Variants in SLC5A4 observed in about 807,000 individuals in gnomAD.
SLC5A4 encodes the protein probable glucose sensor protein SLC5A4.
In SLC5A4, 55 loss-of-function variants were observed where a neutral mutation model predicts 70.3. That is an observed-to-expected ratio of 0.78 (90% CI 0.63 to 0.98). The LOEUF is 0.98. Ranked by LOEUF, SLC5A4 falls within the 50% of genes least tolerant of loss-of-function variation. The probability of loss-of-function intolerance (pLI) is 0.00; values close to 1 mark genes in which losing one functional copy is unlikely to be tolerated. For synonymous variants in SLC5A4, 268 were observed against 305.7 expected (o/e 0.88, Z 1.29); for missense variants, 735 against 839.2 (o/e 0.88, Z 1.53).
Position 32,224,423 on chromosome 22 carries a change from C to T in SLC5A4, c.1509G>A (p.Glu503=), listed in dbSNP as rs1925275752. The change falls in exon 13 of 15, where the codon GAG becomes GAA. Residue 503 remains glutamate (E), a synonymous_variant. Transcript: ENST00000266086. ...AGCAACTCCCTGTTCCATAAGCAAA[C>T]TCTGTTATCATACGAATGAGGCCCA... ...LAMGLIRMIT[E]FAYGTGSCLA... is the part of the protein sequence containing the mutation. The T allele has an allele frequency of 3.1e-6, 5 of 1,613,962 alleles. No individual in the cohort carries two copies. The highest frequency in any genetic ancestry group is 4.2e-6 in the Non-Finnish European group (5 of 1,179,970).
the SLC5A4 span, among the ~76,000 whole-genome samples, chr22:32,304,276 G>A: frequency 6.6e-6 from 1 of 152,046 alleles, no homozygotes; most frequent in African/African-American, 2.4e-5. Context: ...GCAGGCATGC[G>A]CCACCATGCA....
At chr22:32,239,158 G>T in intron 5 of SLC5A4, 68 bp from the exon 6 acceptor site, 2 of 1,111,566 alleles carry the variant, frequency 1.8e-6, no homozygotes, top group Non-Finnish European at 2.7e-6. Context: ...CTGCCCCAAT[G>T]TCCACTCTAC....
At chr22:32,329,751 T>A in the SLC5A4 span, among the ~76,000 whole-genome samples, 1 of 37,904 alleles carries the variant, frequency 2.6e-5, no homozygotes, top group Non-Finnish European at 4.8e-5. Flanking sequence ...GGGGCTCTGG[T>A]GTGTGTGTGT....
At chr22:32,329,809 AGGCTCTGGTGTGTGTGTTGGG>A in the SLC5A4 span, among the ~76,000 whole-genome samples, 2 of 8,346 alleles carry the variant, frequency 2.4e-4, no homozygotes, top group African/African-American at 1.2e-3. Context: ...TGTGTGTTGG[AGGCTCTGGTGTGTGTGTTGGG>A]GGCTCTGGTG....
At chr22:32,238,480 A>C (rs778090726) in intron 6 of SLC5A4, among the ~76,000 whole-genome samples, 1 of 152,192 alleles carries the variant, frequency 6.6e-6, no homozygotes, top group Non-Finnish European at 1.5e-5. Flanking sequence ...CATGAGAAGC[A>C]TATCAACATA....
the SLC5A4 span, among the ~76,000 whole-genome samples, chr22:32,352,683 G>GC: frequency 6.6e-6 from 1 of 152,114 alleles, no homozygotes; most frequent in South Asian, 2.1e-4. Flanking sequence ...TGCCTTCCCG[G>GC]CCCCCAAACT....
chr22:32,335,747 G>T, the SLC5A4 span, among the ~76,000 whole-genome samples: 1 of 152,196 alleles, frequency 6.6e-6, no homozygotes, highest in African/African-American at 2.4e-5. Context: ...CCAGCACACA[G>T]GGTGTGACAG....
chr22:32,283,771 AT>A, the SLC5A4 span, among the ~76,000 whole-genome samples: 26 of 152,158 alleles, frequency 1.7e-4, no homozygotes, highest in African/African-American at 2.6e-4. Context: ...GTGTAATTTA[AT>A]TTTTTTTATT....
chr22:32,235,594 T>C (rs1926011955), intron 7 of SLC5A4, among the ~76,000 whole-genome samples: 1 of 152,096 alleles, frequency 6.6e-6, no homozygotes, highest in African/African-American at 2.4e-5. Flanking sequence ...ATTTTGCCTG[T>C]TACAATAAAA....
At chr22:32,267,194 A>G in the SLC5A4 span, among the ~76,000 whole-genome samples, 7 of 152,226 alleles carry the variant, frequency 4.6e-5, no homozygotes, top group Admixed American at 4.6e-4. Context: ...TTTAGTGAGG[A>G]CGATCTCCTT....
chr22:32,226,666 T>C (rs181587684), intron 11 of SLC5A4, among the ~76,000 whole-genome samples: 27 of 152,300 alleles, frequency 1.8e-4, no homozygotes, highest in African/African-American at 5.5e-4. Context: ...TAAATTACAC[T>C]TACTGTTGGT....
At chr22:32,331,001 T>G in the SLC5A4 span, among the ~76,000 whole-genome samples, 1 of 2,442 alleles carries the variant, frequency 4.1e-4, no homozygotes, top group Non-Finnish European at 7.3e-4. Context: ...CTCTGGTGTG[T>G]GTGTTGGGGG....
chr22:32,283,670 T>C, the SLC5A4 span, among the ~76,000 whole-genome samples: 2 of 152,210 alleles, frequency 1.3e-5, no homozygotes, highest in East Asian at 1.9e-4. Flanking sequence ...GGAGCATCAA[T>C]AATAGTAAAA....
chr22:32,275,705 C>T, the SLC5A4 span, among the ~76,000 whole-genome samples: 11 of 152,234 alleles, frequency 7.2e-5, no homozygotes, highest in Admixed American at 2.6e-4. Flanking sequence ...TATAGCAGCA[C>T]GATTTATAAT....
the SLC5A4 span, among the ~76,000 whole-genome samples, chr22:32,328,390 G>C: frequency 6.6e-6 from 1 of 152,240 alleles, no homozygotes; most frequent in Admixed American, 6.5e-5. Flanking sequence ...GACAGGCATG[G>C]GATGTCCCTT....
chr22:32,310,404 A>AC, the SLC5A4 span, among the ~76,000 whole-genome samples: 1 of 152,072 alleles, frequency 6.6e-6, no homozygotes, highest in Non-Finnish European at 1.5e-5. Flanking sequence ...TTGGGCCCCC[A>AC]CCCCAAGGCT....
At chr22:32,299,742 A>T in the SLC5A4 span, among the ~76,000 whole-genome samples, 2 of 120,300 alleles carry the variant, frequency 1.7e-5, no homozygotes, top group Non-Finnish European at 3.6e-5. Flanking sequence ...TGCTTTTTAG[A>T]GTTTCCAGTT....
At chr22:32,321,716 G>C in the SLC5A4 span, among the ~76,000 whole-genome samples, 25,152 of 152,154 alleles carry the variant, frequency 0.17, 2,171 homozygotes, top group East Asian at 0.3. Context: ...AGAGCATGTG[G>C]TATTGGGTTT....
chr22:32,311,591 A>G, the SLC5A4 span, among the ~76,000 whole-genome samples: 5 of 151,872 alleles, frequency 3.3e-5, no homozygotes, highest in Non-Finnish European at 7.4e-5. Context: ...GATTTCTAGA[A>G]CCCTCCTCTC....
Sources: allele counts gnomAD v4.1 joint callset (sites outside exome capture counted in the v4.1 genomes callset), GRCh38; gene constraint gnomAD v4.1.1; transcripts MANE v1.5; gene names NCBI Gene and HGNC (gene_info 2026-07-23, HGNC 2026-07-21).